GOLGA8J: variants seen among roughly 807,000 people sequenced by gnomAD.
The protein encoded by GOLGA8J is golgin subfamily A member 8J.
In GOLGA8J, 19 loss-of-function variants were observed where a neutral mutation model predicts 67.7. The ratio of observed to expected loss-of-function variants is 0.28; its 90% CI spans 0.20 to 0.41. The LOEUF is 0.41. Among genes scored for constraint, GOLGA8J ranks in the 10% least tolerant of loss-of-function variants. The pLI is 1.00. For synonymous variants in GOLGA8J, 69 were observed against 215.9 expected (o/e 0.32, Z 5.97); for missense variants, 205 against 584.3 (o/e 0.35, Z 6.69).
chr15:30,091,597 T>C lies in GOLGA8J; in HGVS notation c.1263T>C (p.Ala421=). 6.6e-7 allele frequency: 1 copy of C among 1,504,420 alleles called. No individual in the cohort carries two copies. Among genetic ancestry groups the C allele is most frequent in the South Asian group, 1.2e-5 (1 of 82,650 alleles). 93.2% of individuals were successfully genotyped at this position (1,504,420 alleles called of 1,614,324 possible). ...TAACGGCCCAGCTGAGCCTCATGGCTCTCCCTGGGGAAGGTACGGGAGACT... is the reference window on the plus strand; with the variant it reads ...TAACGGCCCAGCTGAGCCTCATGGCCCTCCCTGGGGAAGGTACGGGAGACT... ...QQLTAQLSLM[A]LPGEGHGGEH... Residue 421 remains alanine (A), a synonymous_variant, in exon 14 of 19, where the codon GCT becomes GCC. Coordinates refer to ENST00000567927, the MANE Select transcript of GOLGA8J (RefSeq NM_001282472.2).
chr15:30,093,979 C>T lies in GOLGA8J; in HGVS notation c.*480C>T, dbSNP rs1382306243. The stretch of plus-strand genomic sequence containing the variant: ...TCATTAGCTCAATATGTAGTTTGCC[C>T]CCAAGTGTGCACTGTTTATTACTTT... On this transcript the variant is annotated 3_prime_UTR_variant, in exon 19 of 19. Transcript: ENST00000567927. 1.4e-5 allele frequency among the ~76,000 whole-genome samples: 2 copies of T among 144,792 alleles called. No individual in the cohort carries two copies. Among genetic ancestry groups the T allele is most frequent in the African/African-American group, 2.7e-5 (1 of 36,750 alleles). The allele number at this position is 144,792 out of a possible 152,430, so 95.0% of individuals were successfully genotyped here. A position where few individuals can be genotyped will look rare whatever the true frequency, so the allele number is the denominator to read the frequency against.
Position 30,096,351 on chromosome 15 carries a change from T to C in GOLGA8J, c.*2852T>C, listed in dbSNP as rs2057467038. Among the ~76,000 whole-genome samples, 1 of 150,928 alleles carries C rather than the reference T, an allele frequency of 6.6e-6. No individual in the cohort carries two copies. Among genetic ancestry groups the C allele is most frequent in the South Asian group, 2.1e-4 (1 of 4,788 alleles). ...ATGTAAATCAGCCCTATCCATAATA[T>C]AGTTTCTCTAAAACTTTATTTTAAA... On this transcript the variant is annotated 3_prime_UTR_variant, in exon 19 of 19. Transcript: ENST00000567927.
In GOLGA8J at chr15:30,092,772, T is replaced by A. The variant is rs200205708; in HGVS notation, c.1433T>A (p.Leu478His). The change falls in exon 16 of 19, where the codon CTC becomes CAC. Residue 478 changes from leucine (L) to histidine (H), a missense_variant. Coordinates refer to ENST00000567927, the MANE Select transcript of GOLGA8J (RefSeq NM_001282472.2). ...AGTGAGCTGGTGAAGAAAAAAGAAC[T>A]CTGCTTCATCCACCACTGGCGAGAG... ...DLSELVKKKE[L>H]CFIHHWRERC... 421 of 1,533,422 alleles carry A rather than the reference T, an allele frequency of 2.7e-4. 14 individuals carry two copies. Among genetic ancestry groups the A allele is most frequent in the Non-Finnish European group, 3.2e-4 (359 of 1,130,648 alleles). The allele number at this position is 1,533,422 out of a possible 1,614,324, so 95.0% of individuals were successfully genotyped here.
Position 30,091,972 on chromosome 15 carries a change from G to A in GOLGA8J, c.1277-70G>A, listed in dbSNP as rs553579405. 23 of 1,541,016 alleles carry A rather than the reference G, an allele frequency of 1.5e-5. 1 individual carries two copies. In the East Asian group the frequency reaches 5.4e-4, roughly 36 times the overall value. On this transcript the variant is annotated intron_variant, in intron 14 of 18. Coordinates refer to ENST00000567927, the MANE Select transcript of GOLGA8J (RefSeq NM_001282472.2). ...GGCTCAGGGTTACACAGTGAGGGTGGAGGTAGAGGTGGGCCCACAGTACCT... is the reference window on the plus strand; with the variant it reads ...GGCTCAGGGTTACACAGTGAGGGTGAAGGTAGAGGTGGGCCCACAGTACCT...
At position 30,090,286 on chromosome 15, in the gene GOLGA8J, G is replaced by A; in HGVS notation, c.1200+6G>A. 2.3e-6 allele frequency: 3 copies of A among 1,278,274 alleles called. No individual in the cohort carries two copies. The highest frequency in any genetic ancestry group is 1.3e-5 in the South Asian group (1 of 78,044). The allele number at this position is 1,278,274 out of a possible 1,614,324, so 79.2% of individuals were successfully genotyped here. Reference sequence around the variant, plus strand: ...TACAGGAGAAGCTTGGCGAGGTGAAGGAGACGGAAACCTCCACCCCATCCA... The same window carrying A: ...TACAGGAGAAGCTTGGCGAGGTGAAAGAGACGGAAACCTCCACCCCATCCA... On this transcript the variant is annotated splice_donor_region_variant and intron_variant, in intron 13 of 18. Transcript: ENST00000567927.
At chr15:30,088,642 C>T (rs957252713) in intron 8 of GOLGA8J, 98 bp from the exon 9 acceptor site, 22 of 987,192 alleles carry the variant, frequency 2.2e-5, no homozygotes, top group African/African-American at 8.2e-5. Context: ...CTTTACTGAC[C>T]GAGTTGTATA....
At position 30,092,136 on chromosome 15, in the gene GOLGA8J, G is replaced by A. The variant is rs750399583; in HGVS notation, c.1368+3G>A. The stretch of plus-strand genomic sequence containing the variant: ...ACCCGGAGAGCAGGGAGGCCATGGT[G>A]AGCCTGACTCCCCCTGCACCCATTT... On this transcript the variant is annotated splice_donor_region_variant and intron_variant, in intron 15 of 18. Transcript: ENST00000567927. 685 of 1,189,790 alleles carry A rather than the reference G, an allele frequency of 5.8e-4. 4 individuals carry two copies. The highest frequency in any genetic ancestry group is 7.5e-4 in the Non-Finnish European group (628 of 833,988). The allele number at this position is 1,189,790 out of a possible 1,614,324, so 73.7% of individuals were successfully genotyped here.
rs1170435433 is a variant in GOLGA8J at position 30,094,173 on chromosome 15, G to A, written c.*674G>A. ...GGCCTCCTCTGGCAGGTACGTGCAG[G>A]ATAGAGTGTGTTTCATCTGTTCCGG... On this transcript the variant is annotated 3_prime_UTR_variant, in exon 19 of 19. Transcript: ENST00000567927. Among the ~76,000 whole-genome samples the A allele has an allele frequency of 6.9e-6, 1 of 144,668 alleles. No homozygotes were observed. The highest frequency in any genetic ancestry group is 1.5e-5 in the Non-Finnish European group (1 of 67,426). 94.9% of individuals were successfully genotyped at this position (144,668 alleles called of 152,430 possible). A position where few individuals can be genotyped will look rare whatever the true frequency, so the allele number is the denominator to read the frequency against.
In GOLGA8J at chr15:30,095,017, C is replaced by T. The variant is rs1157487975; in HGVS notation, c.*1518C>T. 6.9e-6 allele frequency among the ~76,000 whole-genome samples: 1 copy of T among 145,680 alleles called. No individual in the cohort carries two copies. Among genetic ancestry groups the T allele is most frequent in the Non-Finnish European group, 1.5e-5 (1 of 67,466 alleles). ...GTTTTTGTACCTCTGGGTTTCTGTT[C>T]GGGACATATTTTGTGCAATATTTAT... On this transcript the variant is annotated 3_prime_UTR_variant, in exon 19 of 19. Transcript: ENST00000567927.
intron 2 of GOLGA8J, among the ~76,000 whole-genome samples, chr15:30,085,204 C>T (rs1304885940): frequency 1.5e-5 from 1 of 67,496 alleles, no homozygotes; most frequent in Non-Finnish European, 2.4e-5. Flanking sequence ...ATGGTGTGAA[C>T]CTGGGAGGTG....
chr15:30,089,176 G>A, intron 10 of GOLGA8J, 60 bp from the exon 11 acceptor site: 1 of 577,886 alleles, frequency 1.7e-6, no homozygotes, highest in South Asian at 2.0e-5. Flanking sequence ...GAGGGAGAGG[G>A]CAGCCTGTCC....
In GOLGA8J at chr15:30,094,993, T is replaced by G. The variant is rs2057454202; in HGVS notation, c.*1494T>G. 6.9e-6 allele frequency among the ~76,000 whole-genome samples: 1 copy of G among 144,542 alleles called. No individual in the cohort carries two copies. Among genetic ancestry groups the G allele is most frequent in the African/African-American group, 2.8e-5 (1 of 36,306 alleles). The allele number at this position is 144,542 out of a possible 152,430, so 94.8% of individuals were successfully genotyped here. ...AGACTTCTTTACAAAGTGAAATATG[T>G]TTTTGTACCTCTGGGTTTCTGTTCG... is the stretch of plus-strand genomic sequence containing the variant. On this transcript the variant is annotated 3_prime_UTR_variant, in exon 19 of 19. Transcript: ENST00000567927.
chr15:30,092,522 CA>C (rs1477110591), intron 15 of GOLGA8J, 185 bp from the exon 16 acceptor site: 1 of 960,526 alleles, frequency 1.0e-6, no homozygotes, highest in African/African-American at 1.9e-5. Context: ...GAGCCAGAGG[CA>C]GCCAGAGGCC....
rs572824791 is a variant in GOLGA8J at position 30,091,529 on chromosome 15, C to T, written c.1201-6C>T. The T allele has an allele frequency of 6.3e-7, 1 of 1,587,768 alleles. No individual in the cohort carries two copies. The highest frequency in any genetic ancestry group is 8.5e-7 in the Non-Finnish European group (1 of 1,174,208). The stretch of plus-strand genomic sequence containing the variant: ...CACCCCTTCTCACTCTGTCCTGGCC[C>T]CTTAGGAGCACCTGGAAGCTGCCAG... On this transcript the variant is annotated splice_polypyrimidine_tract_variant and splice_region_variant and intron_variant, in intron 13 of 18. Coordinates refer to ENST00000567927, the MANE Select transcript of GOLGA8J (RefSeq NM_001282472.2).
chr15:30,089,569 C>T lies in GOLGA8J; in HGVS notation c.875-131C>T. On this transcript the variant is annotated intron_variant, in intron 11 of 18. Coordinates refer to ENST00000567927, the MANE Select transcript of GOLGA8J (RefSeq NM_001282472.2). ...CTCTGAAAGTGCTTTGGAAGACTGG[C>T]TACCATCTGGGTGCGAGGAATCATT... The T allele has an allele frequency of 5.0e-6, 4 of 802,750 alleles. No individual in the cohort carries two copies. In the East Asian group the frequency reaches 8.0e-5, roughly 16 times the overall value. The allele number at this position is 802,750 out of a possible 1,614,324, so 49.7% of individuals were successfully genotyped here.
At position 30,090,377 on chromosome 15, in the gene GOLGA8J, G is replaced by T. The variant is rs201732832; in HGVS notation, c.1200+97G>T. The T allele has an allele frequency of 4.2e-4, 634 of 1,513,044 alleles. 34 individuals are homozygous for T. The highest frequency in any genetic ancestry group is 4.0e-4 in the Non-Finnish European group (451 of 1,130,764). 93.7% of individuals were successfully genotyped at this position (1,513,044 alleles called of 1,614,324 possible). On this transcript the variant is annotated intron_variant, in intron 13 of 18. Transcript: ENST00000567927. ...GGTGCCAGGCCAGAGGCAGCTTCCA[G>T]CCTGGGGGCTGGTGACCACAGCACC...
chr15:30,093,144 A>G lies in GOLGA8J; in HGVS notation c.1628A>G (p.His543Arg), dbSNP rs2057431787. The G allele has an allele frequency of 2.0e-6, 3 of 1,514,100 alleles. No homozygotes were observed. The South Asian group carries it at 3.6e-5, about 18-fold the overall frequency. 93.8% of individuals were successfully genotyped at this position (1,514,100 alleles called of 1,614,324 possible). A position where few individuals can be genotyped will look rare whatever the true frequency, so the allele number is the denominator to read the frequency against. ...GCTTACAGCAACTACAACAATGGGC[A>G]CAGAAAATTCCTGGCCGCTGCCCAC... Reference protein sequence around the residue: ...IAAYSNYNNGHRKFLAAAHNS... With the variant: ...IAAYSNYNNGRRKFLAAAHNS... Residue 543 changes from histidine (H) to arginine (R), a missense_variant, in exon 18 of 19, where the codon CAC (histidine) becomes CGC (arginine). His to Arg is a conservative substitution (Grantham distance 29, BLOSUM62 0). Coordinates refer to ENST00000567927, the MANE Select transcript of GOLGA8J (RefSeq NM_001282472.2).
chr15:30,096,189 G>A lies in GOLGA8J; in HGVS notation c.*2690G>A, dbSNP rs2057465223. Among the ~76,000 whole-genome samples the A allele has an allele frequency of 6.8e-6, 1 of 147,206 alleles. No homozygotes were observed. Among genetic ancestry groups the A allele is most frequent in the Non-Finnish European group, 1.5e-5 (1 of 67,386 alleles). On this transcript the variant is annotated 3_prime_UTR_variant, in exon 19 of 19. Transcript: ENST00000567927. ...ACTGAATACATTTTAATGTCTGTAGGAAGAATCAAAACACCTATTTAAAGA... is the reference window on the plus strand; with the variant it reads ...ACTGAATACATTTTAATGTCTGTAGAAAGAATCAAAACACCTATTTAAAGA...
rs2140589549 is a variant in GOLGA8J at position 30,095,573 on chromosome 15, T to C, written c.*2074T>C. Among the ~76,000 whole-genome samples the C allele has an allele frequency of 1.6e-5, 2 of 126,720 alleles. No homozygotes were observed. Among genetic ancestry groups the C allele is most frequent in the Admixed American group, 1.6e-4 (2 of 12,582 alleles). The allele number at this position is 126,720 out of a possible 152,430, so 83.1% of individuals were successfully genotyped here. A position where few individuals can be genotyped will look rare whatever the true frequency, so the allele number is the denominator to read the frequency against. ...ATTTTCTGAACTTGCCGCTTTTGCA[T>C]TCTTTGAGTTCAGTTTAAAGACAGT... On this transcript the variant is annotated 3_prime_UTR_variant, in exon 19 of 19. Transcript: ENST00000567927.
Sources: gnomAD v4.1 joint callset for allele counts (sites outside exome capture counted in the v4.1 genomes callset) on GRCh38, gnomAD v4.1.1 for gene constraint, MANE v1.5 for transcripts, NCBI Gene and HGNC (gene_info 2026-07-23, HGNC 2026-07-21) for gene names.